Variants in ZNF679 observed in about 807,000 individuals in gnomAD.
The protein encoded by ZNF679 is zinc finger protein 679.
ZNF679 carries 10 observed loss-of-function variants against 13.4 expected under a neutral mutation model. The observed-to-expected ratio is 0.75, with a 90% CI of 0.46 to 1.27. The LOEUF (loss-of-function observed/expected upper bound fraction) is 1.27, where lower values mean the gene tolerates loss of function less well. ZNF679 is among the 50% of genes most tolerant of loss of function. The probability of loss-of-function intolerance (pLI) is 0.00; values close to 1 mark genes in which losing one functional copy is unlikely to be tolerated. For missense variants in ZNF679, 525 were observed against 477.8 expected (o/e 1.10, Z -0.92); for synonymous variants, 179 against 162.5 (o/e 1.10, Z -0.77).
chr7:64,254,274 C>A (rs1367321710), intron 2 of ZNF679, among the ~76,000 whole-genome samples: 1 of 151,694 alleles, frequency 6.6e-6, no homozygotes, highest in African/African-American at 2.4e-5. Flanking sequence ...ACAGGCCCAC[C>A]ATGTCTAATT....
At chr7:64,236,421 GT>G (rs964441785) in intron 1 of ZNF679, among the ~76,000 whole-genome samples, 1 of 151,756 alleles carries the variant, frequency 6.6e-6, no homozygotes, top group African/African-American at 2.4e-5. Flanking sequence ...CAGAGGTGTG[GT>G]TTTGAGTTTG....
At chr7:64,259,087 T>C (rs963551732) in intron 2 of ZNF679, among the ~76,000 whole-genome samples, 4 of 152,010 alleles carry the variant, frequency 2.6e-5, no homozygotes, top group African/African-American at 4.8e-5. Context: ...AATTTTTGTA[T>C]TTTTAGTAGA....
intron 1 of ZNF679, among the ~76,000 whole-genome samples, chr7:64,241,681 G>C (rs747605743): frequency 4.6e-5 from 7 of 152,182 alleles, no homozygotes; most frequent in Non-Finnish European, 8.8e-5. Flanking sequence ...TTGGGTTAAA[G>C]GTCCAGTGAT....
At chr7:64,260,629 A>C (rs1372699682) in intron 3 of ZNF679, among the ~76,000 whole-genome samples, 1 of 152,164 alleles carries the variant, frequency 6.6e-6, no homozygotes, top group Non-Finnish European at 1.5e-5. Context: ...AGTTGCTGCC[A>C]CCAATTTTTG....
At position 64,245,410 on chromosome 7, in the gene ZNF679, GGAGAGAGAGAAAGAGA is replaced by G. The variant is rs1456477448; in HGVS notation, c.-90-3607_-90-3592del. On this transcript the variant is annotated intron_variant, in intron 1 of 4. Coordinates refer to ENST00000421025, the MANE Select transcript of ZNF679 (RefSeq NM_153363.3). ...CAGAGTAACAGAAAAGATAGGAAAG[GGAGAGAGAGAAAGAGA>G]GAGAGAGAGAGAGAGAGGGAGAGAG... is the stretch of plus-strand genomic sequence containing the variant. 3.0e-5 allele frequency among the ~76,000 whole-genome samples: 3 copies of G among 98,820 alleles called. No individual in the cohort carries two copies. The East Asian group carries it at 1.0e-3, about 33-fold the overall frequency. The allele number at this position is 98,820 out of a possible 152,430, so 64.8% of individuals were successfully genotyped here. A position where few individuals can be genotyped will look rare whatever the true frequency, so the allele number is the denominator to read the frequency against.
intron 1 of ZNF679, among the ~76,000 whole-genome samples, chr7:64,230,458 G>T (rs534283638): frequency 1.3e-5 from 2 of 151,610 alleles, no homozygotes; most frequent in South Asian, 2.1e-4. Flanking sequence ...GCGTGAACCC[G>T]GGAAGCGGAG....
At chr7:64,263,562 G>A (rs541078314) in intron 4 of ZNF679, among the ~76,000 whole-genome samples, 5 of 152,246 alleles carry the variant, frequency 3.3e-5, no homozygotes, top group Admixed American at 1.3e-4. Flanking sequence ...TGTTTGCATC[G>A]TGGAGACAAA....
chr7:64,262,615 T>C (rs1788093160), intron 4 of ZNF679, among the ~76,000 whole-genome samples: 1 of 152,214 alleles, frequency 6.6e-6, no homozygotes, highest in African/African-American at 2.4e-5. Flanking sequence ...TGGCAGATTA[T>C]TTGCTCATAC....
chr7:64,244,306 A>T (rs1250241306), intron 1 of ZNF679, among the ~76,000 whole-genome samples: 2 of 151,306 alleles, frequency 1.3e-5, no homozygotes, highest in African/African-American at 2.5e-5. Flanking sequence ...TGCTCTTTTT[A>T]AAAAAATTAT....
At chr7:64,251,940 G>A (rs1350809073) in intron 2 of ZNF679, among the ~76,000 whole-genome samples, 2 of 152,190 alleles carry the variant, frequency 1.3e-5, no homozygotes, top group Admixed American at 6.5e-5. Flanking sequence ...ATTTCATGGA[G>A]ACACATTGCT....
intron 1 of ZNF679, among the ~76,000 whole-genome samples, chr7:64,233,291 G>C (rs1246568496): frequency 6.6e-6 from 1 of 150,534 alleles, no homozygotes; most frequent in Admixed American, 6.6e-5. Context: ...TAGAGTCATA[G>C]ACCAGCTTGG....
At chr7:64,248,934 G>GC in intron 1 of ZNF679, 94 bp from the exon 2 acceptor site, 1 of 861,342 alleles carries the variant, frequency 1.2e-6, no homozygotes, top group Non-Finnish European at 1.8e-6. Context: ...CCAATCAGGG[G>GC]CCATATATTA....
chr7:64,236,742 A>T (rs1004898857), intron 1 of ZNF679, among the ~76,000 whole-genome samples: 3 of 151,588 alleles, frequency 2.0e-5, no homozygotes, highest in African/African-American at 7.3e-5. Context: ...AGATCCTGTC[A>T]TTGCACTCCA....
intron 1 of ZNF679, among the ~76,000 whole-genome samples, chr7:64,245,460 A>AGG (rs1562842867): frequency 1.2e-4 from 18 of 151,746 alleles, no homozygotes; most frequent in Non-Finnish European, 2.5e-4. Context: ...AGAGAGAGAG[A>AGG]GGGAGAGAGA....
At chr7:64,257,264 G>A (rs1341492316) in intron 2 of ZNF679, among the ~76,000 whole-genome samples, 2 of 152,118 alleles carry the variant, frequency 1.3e-5, no homozygotes, top group Non-Finnish European at 2.9e-5. Flanking sequence ...CTGTGACCCA[G>A]AGCTTCTGGT....
chr7:64,246,733 GAAAAGAAAGA>G (rs1787875830), intron 1 of ZNF679, among the ~76,000 whole-genome samples: 1 of 149,518 alleles, frequency 6.7e-6, no homozygotes, highest in East Asian at 2.0e-4. Context: ...AAGAAAGAAA[GAAAAGAAAGA>G]AAAAGAAAGA....
At chr7:64,244,111 G>A (rs148533571) in intron 1 of ZNF679, among the ~76,000 whole-genome samples, 4 of 152,150 alleles carry the variant, frequency 2.6e-5, no homozygotes, top group Middle Eastern at 3.4e-3. Flanking sequence ...TTAGCCAGGT[G>A]TGGTGATGGG....
intron 2 of ZNF679, among the ~76,000 whole-genome samples, chr7:64,252,084 G>T (rs1469379435): frequency 6.6e-6 from 1 of 152,190 alleles, no homozygotes; most frequent in Non-Finnish European, 1.5e-5. Flanking sequence ...GATGGTGCAA[G>T]AATCTCAAAG....
chr7:64,254,172 T>C (rs1050237253), intron 2 of ZNF679, among the ~76,000 whole-genome samples: 2 of 151,900 alleles, frequency 1.3e-5, no homozygotes, highest in African/African-American at 4.8e-5. Flanking sequence ...TCACCCAGGC[T>C]GGAATGCAGT....
Sources: gnomAD v4.1 joint callset for allele counts (sites outside exome capture counted in the v4.1 genomes callset) on GRCh38, gnomAD v4.1.1 for gene constraint, MANE v1.5 for transcripts, NCBI Gene and HGNC (gene_info 2026-07-23, HGNC 2026-07-21) for gene names.